MPPED1: variants seen among roughly 807,000 people sequenced by gnomAD.
MPPED1 encodes metallophosphoesterase domain containing 1.
MPPED1 carries 16 observed loss-of-function variants against 36.2 expected under a neutral mutation model. That is an observed-to-expected ratio of 0.44 (90% CI 0.30 to 0.67). The LOEUF (loss-of-function observed/expected upper bound fraction) is 0.67. Ranked by LOEUF, MPPED1 falls within the 30% of genes least tolerant of loss-of-function variation. The pLI is 0.10. For synonymous variants in MPPED1, 199 were observed against 191.3 expected (o/e 1.04, Z -0.33); for missense variants, 307 against 453.4 (o/e 0.68, Z 2.93).
intron 5 of MPPED1, among the ~76,000 whole-genome samples, chr22:43,501,515 G>A (rs945743375): frequency 4.6e-5 from 7 of 152,152 alleles, no homozygotes; most frequent in African/African-American, 1.7e-4. Flanking sequence ...CTGCCCATGT[G>A]CCAGGCACTC....
chr22:43,498,092 C>T (rs918439394), intron 4 of MPPED1, 143 bp from the exon 5 acceptor site: 21 of 591,190 alleles, frequency 3.6e-5, no homozygotes, highest in Non-Finnish European at 5.3e-5. Context: ...GAGTCCCTGC[C>T]TTCCCTAGGT....
At chr22:43,417,282 G>T (rs1278738585) in intron 1 of MPPED1, among the ~76,000 whole-genome samples, 2 of 152,120 alleles carry the variant, frequency 1.3e-5, no homozygotes, top group Non-Finnish European at 2.9e-5. Flanking sequence ...ATTCAGCTTA[G>T]CTGATAATAC....
chr22:43,465,447 G>A (rs1015835573), intron 3 of MPPED1, among the ~76,000 whole-genome samples: 3 of 152,246 alleles, frequency 2.0e-5, no homozygotes, highest in African/African-American at 4.8e-5. Flanking sequence ...AAGGGACGAC[G>A]GAACCTCATG....
intron 2 of MPPED1, among the ~76,000 whole-genome samples, chr22:43,432,222 C>CAA (rs1929714561): frequency 2.8e-5 from 2 of 70,296 alleles, no homozygotes; most frequent in Non-Finnish European, 7.0e-5. Context: ...GAGAGAGAGA[C>CAA]ACAGAGAGAA....
Position 43,458,233 on chromosome 22 carries a change from T to C in MPPED1, c.407-16503T>C, listed in dbSNP as rs376273390. Among the ~76,000 whole-genome samples, 3 of 152,340 alleles carry C rather than the reference T, an allele frequency of 2.0e-5. No homozygotes were observed. The East Asian group carries it at 5.8e-4, about 29-fold the overall frequency. ...ATGACTGTATTCCTTAGTGTAGTTGTCTTTTAAACTGGATAGGAGAACAAA... is the reference window on the plus strand; with the variant it reads ...ATGACTGTATTCCTTAGTGTAGTTGCCTTTTAAACTGGATAGGAGAACAAA... On this transcript the variant is annotated intron_variant, in intron 3 of 6. Transcript: ENST00000443721.
In MPPED1 at chr22:43,473,780, G is replaced by C. The variant is rs1042258293; in HGVS notation, c.407-956G>C. ...TCTTGCGCCTGCATAGAGCCAGCCT[G>C]GTGGGTGAGGCCTGCCGGGCAGCTG... is the stretch of plus-strand genomic sequence containing the variant. On this transcript the variant is annotated intron_variant, in intron 3 of 6. Transcript: ENST00000443721. 3.9e-4 allele frequency among the ~76,000 whole-genome samples: 60 copies of C among 152,136 alleles called. 1 individual carries two copies. Among genetic ancestry groups the C allele is most frequent in the Non-Finnish European group, 1.5e-4 (10 of 68,018 alleles).
intron 4 of MPPED1, among the ~76,000 whole-genome samples, chr22:43,497,945 A>ATATATATATATATG (rs1569090532): frequency 1.0e-5 from 1 of 97,052 alleles, no homozygotes; most frequent in South Asian, 2.9e-4. Context: ...GTATATATAT[A>ATATATATATATATG]TATGTATTTA....
chr22:43,480,815 T>C (rs1052526912), intron 4 of MPPED1, among the ~76,000 whole-genome samples: 4 of 151,384 alleles, frequency 2.6e-5, no homozygotes, highest in Admixed American at 2.0e-4. Context: ...TATTTCTTTT[T>C]CTTTTCTTTT....
rs759429656 is a variant in MPPED1, at chr22:43,502,753, C to T, written c.858C>T (p.His286=). The change falls in exon 6 of 7, where the codon CAC becomes CAT. Residue 286 remains histidine (H), a synonymous_variant. Coordinates refer to ENST00000443721, the MANE Select transcript of MPPED1 (RefSeq NM_001044370.2). The surrounding 1 kb of genome is among the most constrained non-coding windows in gnomAD (Gnocchi z 5.5). The part of the protein sequence containing the change: ...QPRLHVFGHI[H]EGYGVMADGT... ...GGTTACATGTCTTTGGCCACATCCA[C>T]GAAGGTCAGTACGTAGCGGAGACAG... is the stretch of plus-strand genomic sequence containing the variant. 26 of 1,613,060 alleles carry T rather than the reference C, an allele frequency of 1.6e-5. No homozygotes were observed. In the Admixed American group the frequency reaches 2.0e-4, roughly 12 times the overall value.
At chr22:43,448,955 G>A (rs1001933475) in intron 3 of MPPED1, among the ~76,000 whole-genome samples, 2 of 151,880 alleles carry the variant, frequency 1.3e-5, no homozygotes, top group African/African-American at 2.4e-5. Context: ...CTACTCTTGT[G>A]TATCTGGAAA....
At chr22:43,418,405 G>C (rs1001211751) in intron 1 of MPPED1, 5 of 324,072 alleles carry the variant, frequency 1.5e-5, no homozygotes, top group African/African-American at 1.1e-4. Context: ...ACACATCTTC[G>C]GACAGAGAGG....
intron 3 of MPPED1, among the ~76,000 whole-genome samples, chr22:43,473,418 A>G (rs1203131743): frequency 1.3e-5 from 2 of 152,164 alleles, no homozygotes; most frequent in African/African-American, 4.8e-5. Context: ...TGAACTGGTT[A>G]TGGAATGTCA....
rs186856906 is a variant in MPPED1, at chr22:43,463,924, T to A, written c.407-10812T>A. On this transcript the variant is annotated intron_variant, in intron 3 of 6. Transcript: ENST00000443721. The stretch of plus-strand genomic sequence containing the variant: ...TTCTTTTCTTTTCTTTCTTCTTTTC[T>A]TTGAGACAGAGTCTTGCTCTGTTGC... 3.0e-3 allele frequency among the ~76,000 whole-genome samples: 453 copies of A among 151,650 alleles called. 1 individual carries two copies. The highest frequency in any genetic ancestry group is 5.5e-3 in the Non-Finnish European group (373 of 67,920).
At chr22:43,503,743 T>A (rs1052461330) in intron 6 of MPPED1, among the ~76,000 whole-genome samples, 4 of 152,072 alleles carry the variant, frequency 2.6e-5, no homozygotes, top group African/African-American at 4.8e-5. Flanking sequence ...TGTGGGATAA[T>A]AATAATAGCT....
At chr22:43,438,777 T>A (rs1569069817) in intron 3 of MPPED1, among the ~76,000 whole-genome samples, 1 of 152,086 alleles carries the variant, frequency 6.6e-6, no homozygotes, top group Non-Finnish European at 1.5e-5. Context: ...ACAGAAGGGA[T>A]GGGACAGCGC....
At chr22:43,464,305 G>A (rs926916099) in intron 3 of MPPED1, among the ~76,000 whole-genome samples, 4 of 122,570 alleles carry the variant, frequency 3.3e-5, no homozygotes, top group Non-Finnish European at 5.3e-5. Flanking sequence ...GTGTGTGTGT[G>A]TGTGTGTGTG....
Position 43,425,030 on chromosome 22 carries a change from C to A in MPPED1, c.45C>A (p.Ala15=). The change falls in exon 2 of 7, where the codon GCC becomes GCA. Residue 15 remains alanine, a synonymous_variant. Transcript: ENST00000443721. ...RWDASVLKAE[A]LALLPCGLGM... ...ATGCCAGCGTCCTGAAGGCGGAGGC[C>A]CTGGCCCTCCTCCCCTGCGGCCTGG... The A allele has an allele frequency of 6.2e-7, 1 of 1,611,124 alleles. No homozygotes were observed. Among genetic ancestry groups the A allele is most frequent in the Non-Finnish European group, 8.5e-7 (1 of 1,178,948 alleles).
intron 3 of MPPED1, among the ~76,000 whole-genome samples, chr22:43,436,592 G>A (rs1929969797): frequency 6.6e-6 from 1 of 152,268 alleles, no homozygotes; most frequent in Non-Finnish European, 1.5e-5. Context: ...CCTTCTCTGG[G>A]ATTCTCCCCT....
chr22:43,445,069 T>G (rs900945887), intron 3 of MPPED1, among the ~76,000 whole-genome samples: 1 of 152,164 alleles, frequency 6.6e-6, no homozygotes, highest in Non-Finnish European at 1.5e-5. Context: ...GAAGGTAATT[T>G]GATTAATGGC....
Sources: gnomAD v4.1 joint callset for allele counts (sites outside exome capture counted in the v4.1 genomes callset) on GRCh38, gnomAD v4.1.1 for gene constraint, Gnocchi (gnomAD v3.1) non-coding constraint, MANE v1.5 for transcripts, NCBI Gene and HGNC (gene_info 2026-07-23, HGNC 2026-07-21) for gene names.